TEP1: variants seen among roughly 807,000 people sequenced by gnomAD.
TEP1 encodes the protein telomerase associated protein 1, also known as telomerase protein component 1.
A neutral mutation model predicts 306.3 loss-of-function variants in TEP1; 241 were observed. The observed-to-expected ratio is 0.79, with a 90% CI of 0.71 to 0.88. The LOEUF (loss-of-function observed/expected upper bound fraction) is 0.88. TEP1 is among the 40% of genes least tolerant of loss of function. The pLI is 0.00. For missense variants in TEP1, 3,051 were observed against 3,276.1 expected (o/e 0.93, Z 1.68); for synonymous variants, 1,289 against 1,305.5 (o/e 0.99, Z 0.27).
intron 49 of TEP1, among the ~76,000 whole-genome samples, chr14:20,372,380 ATGTGTGTG>A (rs59329010): frequency 8.6e-5 from 12 of 139,556 alleles, no homozygotes; most frequent in Admixed American, 4.3e-4. Context: ...GTGTGTGTGT[ATGTGTGTG>A]TGTGTGTGTG....
At chr14:20,371,735 A>C in intron 49 of TEP1, 103 bp from the exon 50 acceptor site, 1 of 1,330,622 alleles carries the variant, frequency 7.5e-7, no homozygotes. Flanking sequence ...GTACAAAGCA[A>C]AATGTATCAC....
rs774798682 is a variant in TEP1 at position 20,383,247 on chromosome 14, GCAGAGGCCTC to G, written c.3964_3973del (p.Glu1322LeufsTer6). 3.1e-6 allele frequency: 5 copies of G among 1,614,012 alleles called. No homozygotes were observed. The highest frequency in any genetic ancestry group is 4.2e-6 in the Non-Finnish European group (5 of 1,179,978). On this transcript the variant is annotated frameshift_variant, in exon 27 of 55. Transcript: ENST00000262715. LOFTEE classifies it high-confidence loss of function. ...CTCCTCTCTCACCAGCCGGGCCCGAGCAGAGGCCTCCAGAGGCCCCAAGGCCAGCACGTGG... is the reference window on the plus strand; with the variant it reads ...CTCCTCTCTCACCAGCCGGGCCCGAGCAGAGGCCCCAAGGCCAGCACGTGG...
chr14:20,409,451 A>G (rs1879455283), intron 1 of TEP1, among the ~76,000 whole-genome samples: 1 of 152,140 alleles, frequency 6.6e-6, no homozygotes, highest in South Asian at 2.1e-4. Context: ...CTGGACCTAG[A>G]TCTCCCTTCT....
chr14:20,376,160 T>G lies in TEP1; in HGVS notation c.6193A>C (p.Ser2065Arg), dbSNP rs1356502945. Reference protein sequence around the residue: ...TELRGHEGPVSCCSFSTDGGS... With the variant: ...TELRGHEGPVRCCSFSTDGGS... The stretch of plus-strand genomic sequence containing the variant: ...CCATCAGTGCTGAAACTACAGCAGC[T>G]CACAGGGCCCTCATGTCCCCGCAGC... The change falls in exon 42 of 55, where the codon AGC (serine) becomes CGC (arginine). Residue 2065 changes from serine to arginine, a missense_variant. Physicochemically the swap from Ser to Arg is moderately radical, Grantham distance 110 (BLOSUM62 -1). This residue lies in a region of TEP1 where 1,540 missense variants were observed against 1,705.9 expected (regional missense o/e 0.90). Transcript: ENST00000262715. 1 of 1,614,026 alleles carries G rather than the reference T, an allele frequency of 6.2e-7. No homozygotes were observed. Among genetic ancestry groups the G allele is most frequent in the African/African-American group, 1.3e-5 (1 of 74,918 alleles).
At chr14:20,371,857 C>T (rs529037264) in intron 49 of TEP1, among the ~76,000 whole-genome samples, 74 of 152,216 alleles carry the variant, frequency 4.9e-4, no homozygotes, top group African/African-American at 1.7e-3. Context: ...CTTGGCTTTT[C>T]CTTCCCTCTC....
intron 51 of TEP1, among the ~76,000 whole-genome samples, chr14:20,370,105 G>A (rs970358503): frequency 3.9e-5 from 6 of 152,066 alleles, no homozygotes; most frequent in Admixed American, 3.9e-4. Flanking sequence ...GTAAAGATGG[G>A]GTTTCACCAT....
Position 20,395,621 on chromosome 14 carries a change from G to A in TEP1, c.1757C>T (p.Pro586Leu), listed in dbSNP as rs754201522. The change falls in exon 12 of 55, where the codon CCC (proline) becomes CTC (leucine). Residue 586 changes from proline to leucine, a missense_variant. Coordinates refer to ENST00000262715, the MANE Select transcript of TEP1 (RefSeq NM_007110.5). ...LEAQLRNQAL[P>L]FPSNITLMRR... ...CATCAGTGTTATATTCGAAGGAAAG[G>A]GCAATGCTGTATGATGACAGGTAAA... 2 of 1,596,854 alleles carry A rather than the reference G, an allele frequency of 1.3e-6. No individual in the cohort carries two copies. The highest frequency in any genetic ancestry group is 1.7e-6 in the Non-Finnish European group (2 of 1,165,756).
chr14:20,403,235 G>C (rs776940719), intron 7 of TEP1, 142 bp downstream of exon 7: 144 of 914,130 alleles, frequency 1.6e-4, no homozygotes, highest in Non-Finnish European at 2.2e-4. Flanking sequence ...GCCTTTCCCA[G>C]TGCTCTCAGA....
intron 1 of TEP1, among the ~76,000 whole-genome samples, chr14:20,411,682 GA>G (rs60285926): frequency 0.24 from 35,099 of 147,310 alleles, 4,321 homozygotes; most frequent in East Asian, 0.47. Context: ...CTTTTTCACA[GA>G]AAAAAAAAAA....
At position 20,369,730 on chromosome 14, in the gene TEP1, T is replaced by C. The variant is rs1342997860; in HGVS notation, c.7367A>G (p.Asn2456Ser). ...TAGGGTCCTACTAGGATTCTCTAAG[T>C]TTATATCAAAGTTCAGCCTCTCTTC... ...EFEERLNFDI[N>S]LENPSRTLIS... The change falls in exon 52 of 55, where the codon AAC becomes AGC. Residue 2456 changes from asparagine to serine, a missense_variant. Transcript: ENST00000262715. The C allele has an allele frequency of 2.5e-6, 4 of 1,614,076 alleles. No individual in the cohort carries two copies. The highest frequency in any genetic ancestry group is 2.2e-5 in the East Asian group (1 of 44,896).
rs756550746 is a variant in TEP1 at position 20,389,613 on chromosome 14, T to G, written c.2462A>C (p.Tyr821Ser). 54 of 1,613,974 alleles carry G rather than the reference T, an allele frequency of 3.3e-5. No homozygotes were observed. The highest frequency in any genetic ancestry group is 4.5e-5 in the Non-Finnish European group (53 of 1,179,988). ...CAGGAAGTATAAGCACCCTTACAGG[T>G]ATTGTACCCTTCTTAGGAGGATACC... ...FVGILLRRVQ[Y>S]LSTDLNPNDV... The change falls in exon 16 of 55, where the codon TAC (tyrosine) becomes TCC (serine). Residue 821 changes from tyrosine (Y) to serine (S), a missense_variant. Around this residue, in one of 3 missense-constraint regions of TEP1, gnomAD observed 1,507 missense variants for 1,550.5 expected, o/e 0.97. Transcript: ENST00000262715.
intron 20 of TEP1, 91 bp from the exon 21 acceptor site, chr14:20,385,200 G>C: frequency 6.6e-7 from 1 of 1,511,726 alleles, no homozygotes; most frequent in Non-Finnish European, 9.0e-7. Context: ...CTGTATCTCT[G>C]ATGTTCCTCT....
chr14:20,382,988 G>A (rs759731173), intron 27 of TEP1, among the ~76,000 whole-genome samples, 186 bp downstream of exon 27: 87 of 152,330 alleles, frequency 5.7e-4, no homozygotes, highest in African/African-American at 1.1e-3. Context: ...GCCATTCACC[G>A]GGGGAAGAGG....
Position 20,368,831 on chromosome 14 carries a change from A to G in TEP1, c.7728T>C (p.Asp2576=). ...TACTGGGTCTCTCCCATAGCTTAACATCTCTGTCCTTCGAAGCTGTCACCA... is the reference window on the plus strand; with the variant it reads ...TACTGGGTCTCTCCCATAGCTTAACGTCTCTGTCCTTCGAAGCTGTCACCA... The part of the protein sequence containing the change: ...ELLVTASKDR[D]VKLWERPSMQ... Residue 2576 remains aspartate, a synonymous_variant, in exon 54 of 55, where the codon GAT becomes GAC. Coordinates refer to ENST00000262715, the MANE Select transcript of TEP1 (RefSeq NM_007110.5). 1 of 1,613,654 alleles carries G rather than the reference A, an allele frequency of 6.2e-7. No individual in the cohort carries two copies. Among genetic ancestry groups the G allele is most frequent in the Non-Finnish European group, 8.5e-7 (1 of 1,179,956 alleles).
chr14:20,373,226 T>G, intron 47 of TEP1, 44 bp downstream of exon 47: 1 of 1,612,422 alleles, frequency 6.2e-7, no homozygotes, highest in Non-Finnish European at 8.5e-7. Flanking sequence ...TTGACCTTTT[T>G]TTGTGCCAGT....
rs762160300 is a variant in TEP1 at position 20,391,772 on chromosome 14, A to G, written c.1929-5T>C. The G allele has an allele frequency of 1.2e-6, 2 of 1,613,544 alleles. No homozygotes were observed. Among genetic ancestry groups the G allele is most frequent in the South Asian group, 1.1e-5 (1 of 91,054 alleles). On this transcript the variant is annotated splice_region_variant and splice_polypyrimidine_tract_variant and intron_variant, in intron 12 of 54. Transcript: ENST00000262715. ...TCACCATCATATTTCCACTGTCTAC[A>G]TGCAAGAAAGACACAGACACAGGGG...
Position 20,381,580 on chromosome 14 carries a change from C to T in TEP1, c.4531G>A (p.Glu1511Lys), listed in dbSNP as rs1876533528. Residue 1511 changes from glutamate (E) to lysine (K), a missense_variant, in exon 31 of 55, where the codon GAG becomes AAG. By Grantham distance (56) the Glu-to-Lys change is moderately conservative. This residue lies in a region of TEP1 where 1,540 missense variants were observed against 1,705.9 expected (regional missense o/e 0.90). Coordinates refer to ENST00000262715, the MANE Select transcript of TEP1 (RefSeq NM_007110.5). The surrounding 1 kb of genome is among the most constrained non-coding windows in gnomAD (Gnocchi z 4.0). ...GCAATGAGGATGTGTGCCGTGTCCTCTAGCCCTGGCCTCTTCCCATAGCAA... is the reference window on the plus strand; with the variant it reads ...GCAATGAGGATGTGTGCCGTGTCCTTTAGCCCTGGCCTCTTCCCATAGCAA... ...KRCYGKRPGL[E>K]DTAHILIAAQ... is the part of the protein sequence containing the mutation. 6.2e-6 allele frequency: 10 copies of T among 1,613,880 alleles called. No individual in the cohort carries two copies. Among genetic ancestry groups the T allele is most frequent in the Non-Finnish European group, 8.5e-6 (10 of 1,180,028 alleles).
At chr14:20,403,196 G>C (rs943519942) in intron 7 of TEP1, among the ~76,000 whole-genome samples, 181 bp downstream of exon 7, 1 of 148,918 alleles carries the variant, frequency 6.7e-6, no homozygotes, top group Non-Finnish European at 1.5e-5. Flanking sequence ...ATACCAAGGA[G>C]AGTGAAGTGA....
At chr14:20,407,369 A>AT (rs1389980742) in intron 2 of TEP1, among the ~76,000 whole-genome samples, 2 of 152,044 alleles carry the variant, frequency 1.3e-5, no homozygotes, top group African/African-American at 2.4e-5. Context: ...TTGGGCTTTC[A>AT]TTTTTTTGAG....
Sources: allele counts gnomAD v4.1 joint callset (sites outside exome capture counted in the v4.1 genomes callset), GRCh38; gene constraint gnomAD v4.1.1; regional missense constraint gnomAD v4.1.1; non-coding constraint Gnocchi (gnomAD v3.1); transcripts MANE v1.5; gene names NCBI Gene and HGNC (gene_info 2026-07-23, HGNC 2026-07-21).